The following RORC variants were observed in gnomAD, a reference collection of about 807,000 sequenced individuals.
The protein encoded by RORC is nuclear receptor ROR-gamma.
Under a neutral mutation model 64.5 loss-of-function variants are expected in RORC, and 13 were observed. The observed-to-expected ratio is 0.20, with a 90% CI of 0.13 to 0.32. RORC has a LOEUF of 0.32. Ranked by LOEUF, RORC falls within the 10% of genes least tolerant of loss-of-function variation. The pLI, the probability that RORC is intolerant of heterozygous loss-of-function variation, is 1.00. For synonymous variants in RORC, 277 were observed against 259.3 expected (o/e 1.07, Z -0.65); for missense variants, 468 against 669.5 (o/e 0.70, Z 3.32).
chr1:151,825,010 C>T (rs1652135252), intron 2 of RORC, among the ~76,000 whole-genome samples: 1 of 152,132 alleles, frequency 6.6e-6, no homozygotes, highest in African/African-American at 2.4e-5. Flanking sequence ...CCTTTTCCTC[C>T]TTCACCTTGT....
intron 4 of RORC, 44 bp from the exon 5 acceptor site, chr1:151,815,469 A>C: frequency 6.6e-7 from 1 of 1,511,096 alleles, no homozygotes; most frequent in Non-Finnish European, 8.9e-7. Context: ...GCAGGAGAAC[A>C]TGGCACAGGG....
At chr1:151,817,302 A>C in intron 2 of RORC, 22 bp from the exon 3 acceptor site, 2 of 1,579,370 alleles carry the variant, frequency 1.3e-6, no homozygotes, top group Non-Finnish European at 1.7e-6. Context: ...AAAGAGAAGT[A>C]GGTCAGCCCA....
rs1651596556 is a variant in RORC, at chr1:151,812,940, C to T, written c.1285+7G>A. 1.9e-6 allele frequency: 3 copies of T among 1,584,146 alleles called. No individual in the cohort carries two copies. In the African/African-American group the frequency reaches 4.0e-5, roughly 21 times the overall value. On this transcript the variant is annotated splice_region_variant and intron_variant, in intron 9 of 10. Coordinates refer to ENST00000318247, the MANE Select transcript of RORC (RefSeq NM_005060.4). ...AATGTCCTTCACCCAAGCCCAGCAACACTCACGGGCATTGATGAGAACAAG... is the reference window on the plus strand; with the variant it reads ...AATGTCCTTCACCCAAGCCCAGCAATACTCACGGGCATTGATGAGAACAAG...
chr1:151,821,968 T>C lies in RORC; in HGVS notation c.71-4688A>G, dbSNP rs564634782. ...CTCTAAGGCCAAGTGGGATGACTTA[T>C]ATATCAACAACAGGGTTCCCGGGGA... On this transcript the variant is annotated intron_variant, in intron 2 of 10. Transcript: ENST00000318247. Among the ~76,000 whole-genome samples, 3 of 152,244 alleles carry C rather than the reference T, an allele frequency of 2.0e-5. No individual in the cohort carries two copies. In the South Asian group the frequency reaches 6.2e-4, roughly 32 times the overall value.
chr1:151,807,361 G>T lies in RORC; in HGVS notation c.*111C>A. 3 of 1,131,886 alleles carry T rather than the reference G, an allele frequency of 2.7e-6. No homozygotes were observed. Among genetic ancestry groups the T allele is most frequent in the Non-Finnish European group, 1.2e-6 (1 of 800,980 alleles). The allele number at this position is 1,131,886 out of a possible 1,614,324, so 70.1% of individuals were successfully genotyped here. A position where few individuals can be genotyped will look rare whatever the true frequency, so the allele number is the denominator to read the frequency against. Reference sequence around the variant, plus strand: ...GCATCTGCTCACTTCCAAAGAGCTGGTGGGGACCACCCTCCAGGGTTCATG... The same window carrying T: ...GCATCTGCTCACTTCCAAAGAGCTGTTGGGGACCACCCTCCAGGGTTCATG... On this transcript the variant is annotated 3_prime_UTR_variant, in exon 11 of 11. Coordinates refer to ENST00000318247, the MANE Select transcript of RORC (RefSeq NM_005060.4). This position sits in a 1 kb window ranked among gnomAD's most constrained non-coding sequence, Gnocchi z 5.0.
intron 9 of RORC, chr1:151,812,361 C>T (rs190412673): frequency 1.3e-5 from 2 of 152,624 alleles, no homozygotes; most frequent in African/African-American, 2.4e-5. Context: ...AGCTATTCAA[C>T]ACTTTATTAT....
At chr1:151,827,823 G>A (rs1237786161) in intron 2 of RORC, among the ~76,000 whole-genome samples, 1 of 152,190 alleles carries the variant, frequency 6.6e-6, no homozygotes, top group African/African-American at 2.4e-5. Context: ...GATGGGAAAG[G>A]GATAAGGAGG....
chr1:151,827,130 T>G (rs945871861), intron 2 of RORC, among the ~76,000 whole-genome samples: 2 of 151,834 alleles, frequency 1.3e-5, no homozygotes, highest in Non-Finnish European at 2.9e-5. Context: ...AAAGAAAAAA[T>G]AAAAAAACTT....
chr1:151,823,207 T>G (rs1287778923), intron 2 of RORC, among the ~76,000 whole-genome samples: 1 of 152,094 alleles, frequency 6.6e-6, no homozygotes, highest in Non-Finnish European at 1.5e-5. Flanking sequence ...CCTGGGGACT[T>G]GGAGTCCTTT....
At chr1:151,822,345 G>A (rs1005279432) in intron 2 of RORC, among the ~76,000 whole-genome samples, 3 of 152,180 alleles carry the variant, frequency 2.0e-5, no homozygotes, top group African/African-American at 4.8e-5. Flanking sequence ...TCTACCTGGC[G>A]AACACTACCC....
chr1:151,825,801 C>T, intron 2 of RORC: 1 of 1,112,776 alleles, frequency 9.0e-7, no homozygotes, highest in Non-Finnish European at 1.3e-6. Context: ...CCCAACAGAT[C>T]TTGACCTTGA....
At chr1:151,813,663 C>A in intron 6 of RORC, 43 bp from the exon 7 acceptor site, 2 of 1,605,606 alleles carry the variant, frequency 1.2e-6, no homozygotes, top group Non-Finnish European at 1.7e-6. Flanking sequence ...CTCTGTGTGG[C>A]CCTGTGATCC....
chr1:151,823,791 C>T (rs1344704478), intron 2 of RORC, among the ~76,000 whole-genome samples: 1 of 152,158 alleles, frequency 6.6e-6, no homozygotes, highest in Non-Finnish European at 1.5e-5. Context: ...CAGGTACACG[C>T]CACCATGCCC....
At chr1:151,817,021 C>A (rs933114135) in intron 3 of RORC, among the ~76,000 whole-genome samples, 174 bp downstream of exon 3, 2 of 152,144 alleles carry the variant, frequency 1.3e-5, no homozygotes, top group African/African-American at 4.8e-5. Context: ...TGCAGGAAGG[C>A]GCTACTCAGG....
intron 9 of RORC, 140 bp downstream of exon 9, chr1:151,812,807 T>C (rs1651591461): frequency 5.1e-6 from 3 of 592,220 alleles, no homozygotes; most frequent in South Asian, 2.1e-5. Flanking sequence ...TTTTATTTTA[T>C]AGCAATACTG....
At chr1:151,813,926 C>T (rs1651641826) in intron 6 of RORC, 2 of 314,128 alleles carry the variant, frequency 6.4e-6, no homozygotes, top group Non-Finnish European at 1.2e-5. Context: ...ACAGCTGCCC[C>T]TTCCCCCACA....
intron 2 of RORC, among the ~76,000 whole-genome samples, chr1:151,822,639 C>G: frequency 6.6e-6 from 1 of 152,308 alleles, no homozygotes; most frequent in Non-Finnish European, 1.5e-5. Flanking sequence ...GGAGCCCAGA[C>G]GTCACCATCA....
intron 4 of RORC, among the ~76,000 whole-genome samples, chr1:151,816,352 G>T (rs2101660798): frequency 6.6e-6 from 1 of 152,366 alleles, no homozygotes; most frequent in South Asian, 2.1e-4. Context: ...TGCCAGAGCT[G>T]CATGGGAGCT....
Position 151,816,898 on chromosome 1 carries a change from C to G in RORC, c.157-93G>C, listed in dbSNP as rs113749184. On this transcript the variant is annotated intron_variant, in intron 3 of 10. Transcript: ENST00000318247. ...CAGCCCACAAGCTCTGGCAGCTTTT[C>G]TACATCCCACGACCTGTCAGTTTTC... The G allele has an allele frequency of 3.4e-3, 4,476 of 1,314,126 alleles. 10 individuals carry two copies. Among genetic ancestry groups the G allele is most frequent in the Non-Finnish European group, 4.1e-3 (4,041 of 991,818 alleles). 81.4% of individuals were successfully genotyped at this position (1,314,126 alleles called of 1,614,324 possible). A position where few individuals can be genotyped will look rare whatever the true frequency, so the allele number is the denominator to read the frequency against.
Sources: allele counts gnomAD v4.1 joint callset (sites outside exome capture counted in the v4.1 genomes callset), GRCh38; gene constraint gnomAD v4.1.1; non-coding constraint Gnocchi (gnomAD v3.1); transcripts MANE v1.5; gene names NCBI Gene and HGNC (gene_info 2026-07-23, HGNC 2026-07-21).